The following XKR9 variants were observed in gnomAD, a reference collection of about 807,000 sequenced individuals.
The protein encoded by XKR9 is XK related 9.
In XKR9, 32 loss-of-function variants were observed where a neutral mutation model predicts 32.0. The ratio of observed to expected loss-of-function variants is 1.00; its 90% CI spans 0.76 to 1.34. XKR9 has a LOEUF of 1.34. Among genes scored for constraint, XKR9 ranks in the 40% most tolerant of loss-of-function variants. The probability of loss-of-function intolerance (pLI) is 0.00; values close to 1 mark genes in which losing one functional copy is unlikely to be tolerated. For synonymous variants in XKR9, 168 were observed against 143.4 expected (o/e 1.17, Z -1.22); for missense variants, 546 against 429.7 (o/e 1.27, Z -2.39).
the XKR9 span, among the ~76,000 whole-genome samples, chr8:71,048,576 A>G: frequency 6.6e-6 from 1 of 152,214 alleles, no homozygotes; most frequent in African/African-American, 2.4e-5. Context: ...ATTACAAAAT[A>G]TCTGGATGTT....
chr8:70,840,114 C>T, the XKR9 span, among the ~76,000 whole-genome samples: 1 of 152,136 alleles, frequency 6.6e-6, no homozygotes, highest in African/African-American at 2.4e-5. Context: ...TAATAAGTAA[C>T]TTGTGTTGAC....
chr8:71,014,097 A>G, the XKR9 span, among the ~76,000 whole-genome samples: 1 of 152,274 alleles, frequency 6.6e-6, no homozygotes, highest in African/African-American at 2.4e-5. Flanking sequence ...TCATGAGTCC[A>G]TTAGCAGCAC....
chr8:70,733,423 T>C (rs1234217201), intron 4 of XKR9, among the ~76,000 whole-genome samples: 1 of 152,112 alleles, frequency 6.6e-6, no homozygotes, highest in Non-Finnish European at 1.5e-5. Flanking sequence ...ACTAGGATTA[T>C]AACTGTAGTC....
intron 2 of XKR9, among the ~76,000 whole-genome samples, chr8:70,760,797 ATTAT>A (rs1807298264): frequency 1.3e-5 from 2 of 152,258 alleles, no homozygotes; most frequent in Admixed American, 6.5e-5. Context: ...GCTTGTACAG[ATTAT>A]TTAATCATCC....
chr8:70,758,172 T>C (rs944426489), intron 2 of XKR9, among the ~76,000 whole-genome samples: 36 of 152,232 alleles, frequency 2.4e-4, no homozygotes, highest in African/African-American at 8.4e-4. Flanking sequence ...CTCTCTGCTA[T>C]ATGACCCCTG....
In XKR9 at chr8:70,787,743, G is replaced by T. The variant is rs199830052; in HGVS notation, n.353-1596G>T. Among the ~76,000 whole-genome samples, 20 of 152,096 alleles carry T rather than the reference G, an allele frequency of 1.3e-4. No homozygotes were observed. The East Asian group carries it at 3.7e-3, about 28-fold the overall frequency. On this transcript the variant is annotated intron_variant and non_coding_transcript_variant, in intron 2 of 3. Coordinates refer to the XKR9 transcript ENST00000520273. ...GTCTGTGTTTATTTAAGTACAGTTTGCTTTACAAAATGTTGCACTAGGTAT... is the reference window on the plus strand; with the variant it reads ...GTCTGTGTTTATTTAAGTACAGTTTTCTTTACAAAATGTTGCACTAGGTAT...
the XKR9 span, among the ~76,000 whole-genome samples, chr8:70,911,837 A>G: frequency 1.3e-5 from 2 of 152,198 alleles, no homozygotes; most frequent in African/African-American, 4.8e-5. Context: ...AAGTTAGAAA[A>G]TTCTAGTTAA....
At chr8:70,880,208 C>T in the XKR9 span, among the ~76,000 whole-genome samples, 112 of 152,114 alleles carry the variant, frequency 7.4e-4, no homozygotes, top group Middle Eastern at 6.8e-3. Context: ...CTTTGAAAAC[C>T]GGCACAAGAC....
At chr8:70,671,182 A>C (rs1414629015) in intron 1 of XKR9, among the ~76,000 whole-genome samples, 1 of 152,222 alleles carries the variant, frequency 6.6e-6, no homozygotes, top group Non-Finnish European at 1.5e-5. Context: ...CTAGGATTGC[A>C]GGCTTGAGCC....
the XKR9 span, among the ~76,000 whole-genome samples, chr8:70,818,529 C>G: frequency 1.3e-5 from 2 of 152,064 alleles, no homozygotes; most frequent in African/African-American, 4.8e-5. Context: ...ATAACTAGTG[C>G]CTGACATTAT....
At chr8:71,014,663 G>A in the XKR9 span, among the ~76,000 whole-genome samples, 3 of 152,090 alleles carry the variant, frequency 2.0e-5, no homozygotes, top group South Asian at 6.2e-4. Flanking sequence ...CATATACACA[G>A]GTCCCAGGGG....
chr8:70,790,704 C>G (rs1157346832), downstream of XKR9, among the ~76,000 whole-genome samples: 3 of 152,074 alleles, frequency 2.0e-5, no homozygotes, highest in Non-Finnish European at 4.4e-5. Context: ...CTCTTACAGT[C>G]TAGTCTTTAT....
At chr8:70,845,892 A>G in the XKR9 span, among the ~76,000 whole-genome samples, 3 of 152,198 alleles carry the variant, frequency 2.0e-5, no homozygotes, top group Non-Finnish European at 2.9e-5. Flanking sequence ...TAATGAAACA[A>G]TATCTGGAAA....
chr8:70,888,439 G>A, the XKR9 span, among the ~76,000 whole-genome samples: 2 of 151,680 alleles, frequency 1.3e-5, no homozygotes, highest in Admixed American at 6.6e-5. Flanking sequence ...TCTTTGCTGT[G>A]CAGACACTTT....
the XKR9 span, among the ~76,000 whole-genome samples, chr8:70,879,961 C>T: frequency 6.6e-6 from 1 of 152,158 alleles, no homozygotes; most frequent in African/African-American, 2.4e-5. Flanking sequence ...GGATGCAAGA[C>T]AGGTTCAACA....
At chr8:70,772,912 TTG>T (rs371883985) in intron 2 of XKR9, among the ~76,000 whole-genome samples, 4 of 152,300 alleles carry the variant, frequency 2.6e-5, no homozygotes, top group African/African-American at 9.6e-5. Context: ...GGATAAAGCA[TTG>T]TTGGTTTCAG....
chr8:70,700,310 G>A (rs1458339971), intron 3 of XKR9, among the ~76,000 whole-genome samples: 1 of 152,066 alleles, frequency 6.6e-6, no homozygotes, highest in Non-Finnish European at 1.5e-5. Context: ...CCTCTTTGTG[G>A]TTTTATCTAC....
At chr8:70,754,918 C>G (rs1382854076) in intron 2 of XKR9, among the ~76,000 whole-genome samples, 47 of 152,242 alleles carry the variant, frequency 3.1e-4, no homozygotes, top group South Asian at 2.7e-3. Flanking sequence ...CAATTGGGAT[C>G]TAATTAAACT....
intron 2 of XKR9, among the ~76,000 whole-genome samples, chr8:70,748,417 G>A (rs1362552798): frequency 6.6e-6 from 1 of 152,250 alleles, no homozygotes; most frequent in African/African-American, 2.4e-5. Context: ...CTCTGGTGTG[G>A]AGCAAAGTTG....
Sources: gnomAD v4.1 joint callset for allele counts (sites outside exome capture counted in the v4.1 genomes callset) on GRCh38, gnomAD v4.1.1 for gene constraint, MANE v1.5 for transcripts, NCBI Gene and HGNC (gene_info 2026-07-23, HGNC 2026-07-21) for gene names.